CCDC85A: variants seen among roughly 807,000 people sequenced by gnomAD.
CCDC85A encodes coiled-coil domain containing 85A.
CCDC85A carries 38 observed loss-of-function variants against 50.2 expected under a neutral mutation model. The observed-to-expected ratio is 0.76, with a 90% CI of 0.58 to 0.99. The LOEUF is 0.99. Ranked by LOEUF, CCDC85A falls within the 50% of genes least tolerant of loss-of-function variation. CCDC85A has a pLI of 0.00. For missense variants in CCDC85A, 820 were observed against 742.0 expected (o/e 1.11, Z -1.22); for synonymous variants, 366 against 301.4 (o/e 1.21, Z -2.22).
intron 2 of CCDC85A, among the ~76,000 whole-genome samples, chr2:56,204,539 C>T (rs1676883593): frequency 6.6e-6 from 1 of 152,228 alleles, no homozygotes; most frequent in African/African-American, 2.4e-5. Flanking sequence ...CTGCCTCCAG[C>T]TTCTTGCCCT....
chr2:56,296,536 T>C (rs1048001199), intron 2 of CCDC85A, among the ~76,000 whole-genome samples: 2 of 152,142 alleles, frequency 1.3e-5, no homozygotes, highest in Non-Finnish European at 2.9e-5. Context: ...CCAGTGTGTT[T>C]TTCCTTTCTA....
intron 2 of CCDC85A, among the ~76,000 whole-genome samples, chr2:56,211,305 A>G (rs554613832): frequency 6.6e-6 from 1 of 152,120 alleles, no homozygotes; most frequent in South Asian, 2.1e-4. Flanking sequence ...AGTCATGCTC[A>G]TTTTGGTCCT....
Position 56,366,282 on chromosome 2 carries a change from A to G in CCDC85A, c.1318-6062A>G, listed in dbSNP as rs553208797. Reference sequence around the variant, plus strand: ...ATTTTAATGTATACCCAGTAGTGGGATTGCTGAATCATATGTAGTCCTACT... The same window carrying G: ...ATTTTAATGTATACCCAGTAGTGGGGTTGCTGAATCATATGTAGTCCTACT... On this transcript the variant is annotated intron_variant, in intron 3 of 5. Coordinates refer to ENST00000407595, the MANE Select transcript of CCDC85A (RefSeq NM_001080433.2). 7.9e-5 allele frequency among the ~76,000 whole-genome samples: 12 copies of G among 152,298 alleles called. No individual in the cohort carries two copies. The East Asian group carries it at 2.3e-3, about 29-fold the overall frequency.
At chr2:56,329,056 A>G (rs1256452689) in intron 2 of CCDC85A, among the ~76,000 whole-genome samples, 1 of 152,072 alleles carries the variant, frequency 6.6e-6, no homozygotes, top group East Asian at 1.9e-4. Flanking sequence ...ATGCCCTGGG[A>G]CTTGTCTCCT....
At chr2:56,356,971 C>G (rs148786905) in intron 3 of CCDC85A, among the ~76,000 whole-genome samples, 3 of 150,646 alleles carry the variant, frequency 2.0e-5, no homozygotes, top group Non-Finnish European at 4.4e-5. Context: ...CCCAGCTATT[C>G]GGGAGGTTGA....
chr2:56,290,770 T>G (rs541144542), intron 2 of CCDC85A, among the ~76,000 whole-genome samples: 43 of 152,360 alleles, frequency 2.8e-4, no homozygotes, highest in Middle Eastern at 6.8e-3. Context: ...TACAGTTATC[T>G]AGAAAATTGT....
chr2:56,375,824 T>C lies in CCDC85A; in HGVS notation c.1461T>C (p.Phe487=). The C allele has an allele frequency of 1.2e-6, 2 of 1,613,660 alleles. No homozygotes were observed. Among genetic ancestry groups the C allele is most frequent in the Non-Finnish European group, 1.7e-6 (2 of 1,179,750 alleles). ...GTTGATTTTCTACTAAGGGTTCTTT[T>C]AGGTTGTCATCAGGGGCTGATGGGA... ...GRCLPTLPGS[F]RLSSGADGSN... The change falls in exon 5 of 6, where the codon TTT becomes TTC. Residue 487 remains phenylalanine (F), a synonymous_variant. Coordinates refer to ENST00000407595, the MANE Select transcript of CCDC85A (RefSeq NM_001080433.2).
At chr2:56,358,673 A>C (rs1675360891) in intron 3 of CCDC85A, among the ~76,000 whole-genome samples, 1 of 152,232 alleles carries the variant, frequency 6.6e-6, no homozygotes, top group African/African-American at 2.4e-5. Context: ...TTACTTACAA[A>C]ATAGACAGTG....
intron 2 of CCDC85A, among the ~76,000 whole-genome samples, chr2:56,213,249 G>A (rs906755634): frequency 5.3e-5 from 8 of 151,940 alleles, no homozygotes; most frequent in Non-Finnish European, 1.0e-4. Context: ...GAAGAAATAT[G>A]CACTTAAACA....
intron 2 of CCDC85A, among the ~76,000 whole-genome samples, chr2:56,297,237 C>T (rs111877030): frequency 1.6e-3 from 241 of 152,152 alleles, no homozygotes; most frequent in African/African-American, 4.8e-3. Flanking sequence ...AAGGTTGCTT[C>T]TGTGAAATGG....
At chr2:56,357,542 A>C (rs998253497) in intron 3 of CCDC85A, among the ~76,000 whole-genome samples, 2 of 151,352 alleles carry the variant, frequency 1.3e-5, no homozygotes, top group Non-Finnish European at 2.9e-5. Context: ...CTTTTGTGTT[A>C]ATGTTTTTTG....
Position 56,193,304 on chromosome 2 carries a change from G to T in CCDC85A, c.1104G>T (p.Gly368=). The T allele has an allele frequency of 1.2e-6, 2 of 1,613,756 alleles. No individual in the cohort carries two copies. The highest frequency in any genetic ancestry group is 1.7e-6 in the Non-Finnish European group (2 of 1,179,762). The change falls in exon 2 of 6, where the codon GGG becomes GGT. Residue 368 remains glycine, a synonymous_variant. Coordinates refer to ENST00000407595, the MANE Select transcript of CCDC85A (RefSeq NM_001080433.2). ...SPEHLKQHYG[G]SPDHKHGGGS... is the part of the protein sequence containing the mutation. ...AGCACCTCAAACAACATTATGGAGG[G>T]AGCCCTGATCACAAACACGGAGGAG...
intron 2 of CCDC85A, among the ~76,000 whole-genome samples, chr2:56,200,827 A>G (rs893964098): frequency 1.3e-5 from 2 of 152,014 alleles, no homozygotes; most frequent in African/African-American, 2.4e-5. Context: ...GTCTCAAATC[A>G]TTATGGAAGA....
At chr2:56,202,109 A>C (rs183627435) in intron 2 of CCDC85A, among the ~76,000 whole-genome samples, 1 of 152,232 alleles carries the variant, frequency 6.6e-6, no homozygotes, top group African/African-American at 2.4e-5. Flanking sequence ...GTTTTTCTCA[A>C]TTCTTATTGG....
At chr2:56,273,562 A>G (rs1429055370) in intron 2 of CCDC85A, among the ~76,000 whole-genome samples, 1 of 152,134 alleles carries the variant, frequency 6.6e-6, no homozygotes, top group Non-Finnish European at 1.5e-5. Context: ...GAGATTAATT[A>G]TATTTTCAGA....
intron 2 of CCDC85A, among the ~76,000 whole-genome samples, chr2:56,322,939 A>G (rs1673278726): frequency 6.6e-6 from 1 of 152,214 alleles, no homozygotes; most frequent in Non-Finnish European, 1.5e-5. Flanking sequence ...TGTGGCACAT[A>G]TACACCATGG....
At chr2:56,376,159 G>A (rs1676327813) in intron 5 of CCDC85A, among the ~76,000 whole-genome samples, 1 of 131,562 alleles carries the variant, frequency 7.6e-6, no homozygotes, top group East Asian at 1.9e-4. Context: ...TTATCGTTTT[G>A]TTTTGAGAAT....
intron 2 of CCDC85A, among the ~76,000 whole-genome samples, chr2:56,202,749 T>C (rs1243543025): frequency 6.6e-6 from 1 of 152,242 alleles, no homozygotes; most frequent in Non-Finnish European, 1.5e-5. Context: ...TGCAGATTTT[T>C]GTTCATAGCA....
chr2:56,213,301 T>G (rs1677256137), intron 2 of CCDC85A, among the ~76,000 whole-genome samples: 2 of 152,108 alleles, frequency 1.3e-5, no homozygotes, highest in South Asian at 4.1e-4. Flanking sequence ...CAAGCTCACT[T>G]AGTCCTTGGA....
Sources: allele counts gnomAD v4.1 joint callset (sites outside exome capture counted in the v4.1 genomes callset), GRCh38; gene constraint gnomAD v4.1.1; transcripts MANE v1.5; gene names NCBI Gene and HGNC (gene_info 2026-07-23, HGNC 2026-07-21).